CFTR: variants seen among roughly 807,000 people sequenced by gnomAD.
The protein encoded by CFTR is cystic fibrosis transmembrane conductance regulator.
A neutral mutation model predicts 171.6 loss-of-function variants in CFTR; 181 were observed. The observed-to-expected ratio is 1.05, with a 90% CI of 0.93 to 1.19. CFTR has a LOEUF of 1.19. CFTR is among the 50% of genes most tolerant of loss of function. CFTR has a pLI of 0.00. For synonymous variants in CFTR, 583 were observed against 608.0 expected (o/e 0.96, Z 0.60); for missense variants, 1,968 against 1,734.7 (o/e 1.13, Z -2.39).
At chr7:117,555,072 T>A (rs751467758) in intron 10 of CFTR, among the ~76,000 whole-genome samples, 3 of 152,082 alleles carry the variant, frequency 2.0e-5, no homozygotes, top group African/African-American at 7.2e-5. Flanking sequence ...ATTGGAAAAT[T>A]TTTGGGGTTT....
At chr7:117,484,904 T>C (rs1798047905) in intron 1 of CFTR, among the ~76,000 whole-genome samples, 1 of 152,104 alleles carries the variant, frequency 6.6e-6, no homozygotes, top group South Asian at 2.1e-4. Context: ...AATATTTAAT[T>C]CCTTGCTAAA....
At chr7:117,495,226 G>A (rs1272343486) in intron 1 of CFTR, among the ~76,000 whole-genome samples, 1 of 152,122 alleles carries the variant, frequency 6.6e-6, no homozygotes, top group African/African-American at 2.4e-5. Context: ...CTAGCCAGTT[G>A]TTCCAGCTAC....
At chr7:117,550,735 C>A (rs1799255699) in intron 10 of CFTR, among the ~76,000 whole-genome samples, 1 of 152,158 alleles carries the variant, frequency 6.6e-6, no homozygotes, top group Admixed American at 6.5e-5. Context: ...AATTAAATTT[C>A]AGGCAGTTTT....
chr7:117,529,283 G>A lies in CFTR; in HGVS notation c.274-1616G>A, dbSNP rs1259875672. 1.4e-4 allele frequency among the ~76,000 whole-genome samples: 15 copies of A among 108,986 alleles called. 1 individual carries two copies. The highest frequency in any genetic ancestry group is 9.7e-4 in the South Asian group (3 of 3,100). 71.5% of individuals were successfully genotyped at this position (108,986 alleles called of 152,430 possible). ...TCGCAAGAACAAAAAACCAAACACC[G>A]CATATTCTCACTCATAGGTGGGAAT... On this transcript the variant is annotated intron_variant, in intron 3 of 26. Transcript: ENST00000003084.
intron 15 of CFTR, 110 bp from the exon 16 acceptor site, chr7:117,602,716 C>T (rs1043053733): frequency 6.6e-6 from 6 of 909,216 alleles, no homozygotes; most frequent in Middle Eastern, 2.1e-4. Flanking sequence ...TTGTGTGTAC[C>T]TTGATATTGG....
chr7:117,636,456 G>A (rs1025975524), intron 22 of CFTR, among the ~76,000 whole-genome samples: 1 of 151,886 alleles, frequency 6.6e-6, no homozygotes, highest in Non-Finnish European at 1.5e-5. Context: ...AAAATTCTCA[G>A]TCATTATTGC....
chr7:117,537,415 G>A (rs1798975843), intron 7 of CFTR, among the ~76,000 whole-genome samples: 1 of 152,128 alleles, frequency 6.6e-6, no homozygotes, highest in Non-Finnish European at 1.5e-5. Flanking sequence ...CTTCAGTTGA[G>A]CTCCATGTTC....
intron 21 of CFTR, among the ~76,000 whole-genome samples, chr7:117,624,060 T>A (rs1359600543): frequency 6.6e-6 from 1 of 152,144 alleles, no homozygotes; most frequent in Admixed American, 6.5e-5. Context: ...GATCTACCCC[T>A]GGTAGCAGCT....
intron 21 of CFTR, chr7:117,616,193 T>C (rs557032869): frequency 4.0e-4 from 61 of 151,540 alleles, no homozygotes; most frequent in African/African-American, 1.5e-3. Flanking sequence ...TGTAATTTAA[T>C]TGGAACATGA....
intron 9 of CFTR, among the ~76,000 whole-genome samples, chr7:117,545,044 T>G (rs1186755208): frequency 6.6e-6 from 1 of 152,188 alleles, no homozygotes; most frequent in African/African-American, 2.4e-5. Flanking sequence ...TACCCAAGAA[T>G]GGGCAATTTA....
At chr7:117,659,529 C>T (rs1793232649) in intron 24 of CFTR, among the ~76,000 whole-genome samples, 2 of 152,170 alleles carry the variant, frequency 1.3e-5, no homozygotes, top group Admixed American at 1.3e-4. Flanking sequence ...ACCATCCTCA[C>T]TTTAGAATGA....
chr7:117,642,365 T>A, intron 22 of CFTR, 73 bp from the exon 23 acceptor site: 1 of 1,366,392 alleles, frequency 7.3e-7, no homozygotes, highest in Non-Finnish European at 1.0e-6. Flanking sequence ...TTTATTGAAG[T>A]ACAATACTGA....
chr7:117,564,478 G>A (rs559387526), intron 11 of CFTR: 1 of 154,372 alleles, frequency 6.5e-6, no homozygotes. Flanking sequence ...ATTTTTAAGT[G>A]TGGAGGAGTT....
intron 3 of CFTR, among the ~76,000 whole-genome samples, chr7:117,513,043 T>C (rs1022652750): frequency 1.3e-5 from 2 of 152,182 alleles, no homozygotes; most frequent in African/African-American, 2.4e-5. Context: ...GGCATTTGAA[T>C]ACAAGCCTAC....
chr7:117,623,791 T>C (rs1415918927), intron 21 of CFTR, among the ~76,000 whole-genome samples: 1 of 152,174 alleles, frequency 6.6e-6, no homozygotes, highest in African/African-American at 2.4e-5. Context: ...AGTGACTGCA[T>C]GGTGCTAACC....
At chr7:117,612,054 C>CATATATATAT (rs1295752704) in intron 20 of CFTR, among the ~76,000 whole-genome samples, 3 of 46,530 alleles carry the variant, frequency 6.4e-5, no homozygotes, top group South Asian at 1.2e-3. Context: ...TATATATATA[C>CATATATATAT]ATATATATAT....
intron 11 of CFTR, among the ~76,000 whole-genome samples, chr7:117,573,776 T>C (rs963682626): frequency 6.6e-6 from 1 of 152,152 alleles, no homozygotes; most frequent in South Asian, 2.1e-4. Context: ...GAACACAATA[T>C]TAAAACTCTA....
At chr7:117,488,495 C>A (rs1562878373) in intron 1 of CFTR, among the ~76,000 whole-genome samples, 4 of 152,054 alleles carry the variant, frequency 2.6e-5, no homozygotes. Context: ...TTATAAGTCT[C>A]TGTTGACCAT....
At chr7:117,646,533 G>A (rs892184691) in intron 23 of CFTR, among the ~76,000 whole-genome samples, 1 of 152,062 alleles carries the variant, frequency 6.6e-6, no homozygotes, top group African/African-American at 2.4e-5. Context: ...CACAAGTTAG[G>A]GAGTATTAGG....
Sources: gnomAD v4.1 joint callset for allele counts (sites outside exome capture counted in the v4.1 genomes callset) on GRCh38, gnomAD v4.1.1 for gene constraint, MANE v1.5 for transcripts, NCBI Gene and HGNC (gene_info 2026-07-23, HGNC 2026-07-21) for gene names.